PRKDC: variants seen among roughly 807,000 people sequenced by gnomAD.
The protein encoded by PRKDC is DNA-dependent protein kinase catalytic subunit.
In PRKDC, 82 loss-of-function variants were observed where a neutral mutation model predicts 486.9. The ratio of observed to expected loss-of-function variants is 0.17; its 90% CI spans 0.14 to 0.20. The LOEUF (loss-of-function observed/expected upper bound fraction) is 0.20. Ranked by LOEUF, PRKDC falls within the 10% of genes least tolerant of loss-of-function variation. The pLI, the probability that PRKDC is intolerant of heterozygous loss-of-function variation, is 1.00. For synonymous variants in PRKDC, 1,895 were observed against 1,837.0 expected, an observed-to-expected ratio of 1.03 and a Z score of -0.81; for missense variants, 4,504 against 5,038.2, an observed-to-expected ratio of 0.89 and a Z score of 3.21.
intron 21 of PRKDC, among the ~76,000 whole-genome samples, chr8:47,924,078 A>G (rs2090117662): frequency 6.6e-6 from 1 of 152,212 alleles, no homozygotes; most frequent in African/African-American, 2.4e-5. Context: ...TACCTGGGTT[A>G]TAACGTTTCT....
At position 47,859,650 on chromosome 8, in the gene PRKDC, G is replaced by C. The variant is rs1358225642; in HGVS notation, c.6168C>G (p.Ser2056=). The C allele has an allele frequency of 6.2e-7, 1 of 1,613,886 alleles. No individual in the cohort carries two copies. The highest frequency in any genetic ancestry group is 1.7e-5 in the Admixed American group (1 of 60,006). Residue 2056 remains serine (S), a synonymous_variant, in exon 46 of 86, where the codon TCC becomes TCG. Transcript: ENST00000314191. Reference sequence around the variant, plus strand: ...GACCAGTGGCAGGTCTAGGGTCTTGGGAGCTGTATGAATAGCTCTGAACTC... The same window carrying C: ...GACCAGTGGCAGGTCTAGGGTCTTGCGAGCTGTATGAATAGCTCTGAACTC... ...STGVQSYSYS[S]QDPRPATGRF...
At chr8:47,867,017 T>A (rs2088833464) in intron 40 of PRKDC, among the ~76,000 whole-genome samples, 1 of 152,142 alleles carries the variant, frequency 6.6e-6, no homozygotes, top group South Asian at 2.1e-4. Flanking sequence ...GGATTACAGG[T>A]GTAAGCCACT....
At chr8:47,862,894 T>C (rs2088710472) in intron 42 of PRKDC, among the ~76,000 whole-genome samples, 1 of 152,218 alleles carries the variant, frequency 6.6e-6, no homozygotes, top group African/African-American at 2.4e-5. Context: ...AGGAGGGTAA[T>C]AATGAATTTG....
At chr8:47,793,715 C>T (rs1455350331) in intron 74 of PRKDC, among the ~76,000 whole-genome samples, 1 of 144,072 alleles carries the variant, frequency 6.9e-6, no homozygotes, top group African/African-American at 2.6e-5. Context: ...GATGCCAGCG[C>T]TTTTCTTCAT....
intron 25 of PRKDC, among the ~76,000 whole-genome samples, chr8:47,910,622 T>G (rs2089882795): frequency 6.6e-6 from 1 of 152,180 alleles, no homozygotes; most frequent in Admixed American, 6.5e-5. Context: ...GTCTTGCTTA[T>G]TAGGCTCAAG....
intron 30 of PRKDC, among the ~76,000 whole-genome samples, chr8:47,894,065 G>C (rs1246205286): frequency 6.6e-6 from 1 of 152,138 alleles, no homozygotes. Flanking sequence ...CGGATCACTT[G>C]AGGTCAAGAG....
In PRKDC at chr8:47,817,526, G is replaced by A. The variant is rs780874451; in HGVS notation, c.9481C>T (p.Leu3161=). The A allele has an allele frequency of 5.6e-6, 9 of 1,605,908 alleles. No homozygotes were observed. Among genetic ancestry groups the A allele is most frequent in the Non-Finnish European group, 7.7e-6 (9 of 1,175,690 alleles). ...GGATATCTGTTTGTCCAGGTGTTCA[G>A]AAGTCTCTTAAGGGGAACTTGAGAT... ...LSSQVPLKRL[L]NTWTNRYPDA... Residue 3161 remains leucine (L), a synonymous_variant, in exon 68 of 86, where the codon CTG becomes TTG. Transcript: ENST00000314191.
chr8:47,789,117 A>G (rs746156951), intron 75 of PRKDC, 34 bp downstream of exon 75: 260 of 1,612,484 alleles, frequency 1.6e-4, no homozygotes, highest in Non-Finnish European at 2.1e-4. Context: ...CCCAACTTAT[A>G]TGTTTTATGT....
At chr8:47,904,824 A>G (rs774820933) in intron 26 of PRKDC, 45 bp downstream of exon 26, 1 of 1,337,306 alleles carries the variant, frequency 7.5e-7, no homozygotes, top group Admixed American at 1.9e-5. Flanking sequence ...CATCAAATAC[A>G]ACTAATCGAT....
intron 26 of PRKDC, among the ~76,000 whole-genome samples, 166 bp downstream of exon 26, chr8:47,904,703 G>C (rs914711788): frequency 6.6e-6 from 1 of 152,230 alleles, no homozygotes; most frequent in Admixed American, 6.5e-5. Context: ...TGAGACAGGA[G>C]AATTGCTTGA....
chr8:47,942,738 C>T (rs894246882), intron 10 of PRKDC, among the ~76,000 whole-genome samples: 3 of 152,224 alleles, frequency 2.0e-5, no homozygotes, highest in Non-Finnish European at 4.4e-5. Context: ...TCTCCTCAGC[C>T]GACCAGACAA....
At chr8:47,856,991 C>A (rs747737109) in intron 49 of PRKDC, among the ~76,000 whole-genome samples, 165 bp downstream of exon 49, 13 of 152,190 alleles carry the variant, frequency 8.5e-5, no homozygotes, top group Non-Finnish European at 1.6e-4. Context: ...AAAACAAAAC[C>A]AAAGCAGGCT....
chr8:47,956,295 G>A (rs2090698884), intron 3 of PRKDC, among the ~76,000 whole-genome samples: 1 of 152,174 alleles, frequency 6.6e-6, no homozygotes, highest in Non-Finnish European at 1.5e-5. Flanking sequence ...CCGGGAGACG[G>A]AGGTTGCAGT....
At chr8:47,877,352 CTATGGCTA>C (rs1480717114) in intron 40 of PRKDC, among the ~76,000 whole-genome samples, 2 of 152,120 alleles carry the variant, frequency 1.3e-5, no homozygotes, top group Non-Finnish European at 2.9e-5. Context: ...GATAATGGTA[CTATGGCTA>C]TTCAAGAAAA....
rs769545364 is a variant in PRKDC at position 47,777,827 on chromosome 8, A to C, written c.11901T>G (p.Phe3967Leu). Residue 3967 changes from phenylalanine (F) to leucine (L), a missense_variant, in exon 84 of 86, where the codon TTT becomes TTG. Phe to Leu is a conservative substitution (Grantham distance 22). This residue lies in a region of PRKDC where 706 missense variants were observed against 945.0 expected (regional missense o/e 0.75). Transcript: ENST00000314191. The stretch of plus-strand genomic sequence containing the variant: ...CTTTCATTGGTAACATCAGATTGAT[A>C]AACTGGCGAGTTAGCCGAAAAGGCA... ...ELMPFRLTRQ[F>L]INLMLPMKET... is the part of the protein sequence containing the mutation. The C allele has an allele frequency of 9.3e-6, 15 of 1,613,926 alleles. No homozygotes were observed. In the South Asian group the frequency reaches 9.9e-5, roughly 11 times the overall value.
chr8:47,944,049 C>G lies in PRKDC; in HGVS notation c.722-20G>C. On this transcript the variant is annotated intron_variant, in intron 7 of 85. Coordinates refer to ENST00000314191, the MANE Select transcript of PRKDC (RefSeq NM_006904.7). ...GGGGATCTAGGGAAATACCAAGAAG[C>G]CTGTTACAAATCGTAATAACAGTAT... 6.5e-7 allele frequency: 1 copy of G among 1,546,316 alleles called. No homozygotes were observed. The highest frequency in any genetic ancestry group is 8.8e-7 in the Non-Finnish European group (1 of 1,139,880).
intron 16 of PRKDC, 99 bp downstream of exon 16, chr8:47,932,921 G>C (rs2090281007): frequency 1.8e-6 from 2 of 1,100,714 alleles, no homozygotes; most frequent in Non-Finnish European, 1.3e-6. Context: ...ATTTTCTCCA[G>C]TTCTCCTCTA....
Position 47,793,437 on chromosome 8 carries a change from C to T in PRKDC, c.10670+853G>A, listed in dbSNP as rs140340948. Reference sequence around the variant, plus strand: ...CTGAGGTCACCTGAGGTCAGGAGTTCGAGACCAGCCTGGCCAAGGTGGCAA... The same window carrying T: ...CTGAGGTCACCTGAGGTCAGGAGTTTGAGACCAGCCTGGCCAAGGTGGCAA... On this transcript the variant is annotated intron_variant, in intron 74 of 85. Transcript: ENST00000314191. 3.5e-3 allele frequency among the ~76,000 whole-genome samples: 528 copies of T among 151,636 alleles called. 6 individuals are homozygous for T. The highest frequency in any genetic ancestry group is 0.012 in the African/African-American group (502 of 41,374).
rs61385951 is a variant in PRKDC, at chr8:47,827,118, TCACACACACACA to T, written c.8578-269_8578-258del. On this transcript the variant is annotated intron_variant, in intron 62 of 85. Transcript: ENST00000314191. ...AAAAGCACCTATCAAAATATGAAGA[TCACACACACACA>T]CACACACACACACACACACACACAC... Among the ~76,000 whole-genome samples, 639 of 128,238 alleles carry T rather than the reference TCACACACACACA, an allele frequency of 5.0e-3. 5 individuals carry two copies. Among genetic ancestry groups the T allele is most frequent in the African/African-American group, 0.014 (491 of 35,442 alleles). The allele number at this position is 128,238 out of a possible 152,430, so 84.1% of individuals were successfully genotyped here.
Sources: allele counts gnomAD v4.1 joint callset (sites outside exome capture counted in the v4.1 genomes callset), GRCh38; gene constraint gnomAD v4.1.1; regional missense constraint gnomAD v4.1.1; transcripts MANE v1.5; gene names NCBI Gene and HGNC (gene_info 2026-07-23, HGNC 2026-07-21).